The following SLC35F3 variants were observed in gnomAD, a reference collection of about 807,000 sequenced individuals.
SLC35F3 encodes solute carrier family 35 member F3.
A neutral mutation model predicts 49.9 loss-of-function variants in SLC35F3; 25 were observed. That is an observed-to-expected ratio of 0.50 (90% CI 0.37 to 0.70). The LOEUF (loss-of-function observed/expected upper bound fraction) is 0.70, where lower values mean the gene tolerates loss of function less well. Ranked by LOEUF, SLC35F3 falls within the 30% of genes least tolerant of loss-of-function variation. The probability of loss-of-function intolerance (pLI) is 0.00; values close to 1 mark genes in which losing one functional copy is unlikely to be tolerated. For missense variants in SLC35F3, 525 were observed against 639.8 expected (o/e 0.82, Z 1.94); for synonymous variants, 275 against 265.4 (o/e 1.04, Z -0.35).
chr1:234,066,640 G>A (rs928273452), intron 2 of SLC35F3, among the ~76,000 whole-genome samples: 22 of 151,990 alleles, frequency 1.4e-4, no homozygotes, highest in African/African-American at 5.3e-4. Context: ...GATAAAAAGG[G>A]TTGCCCCTGC....
chr1:234,097,326 C>T (rs1176024909), intron 2 of SLC35F3, among the ~76,000 whole-genome samples: 1 of 152,244 alleles, frequency 6.6e-6, no homozygotes, highest in East Asian at 1.9e-4. Flanking sequence ...ATCACTTGTA[C>T]CCCAAAGCTA....
intron 2 of SLC35F3, among the ~76,000 whole-genome samples, chr1:234,168,511 G>A (rs544474857): frequency 2.4e-4 from 36 of 152,386 alleles, no homozygotes; most frequent in African/African-American, 7.5e-4. Flanking sequence ...TCATGCAGCA[G>A]AGTGCCTCTC....
rs61824604 is a variant in SLC35F3, at chr1:234,114,419, G to A, written c.284-116998G>A. On this transcript the variant is annotated intron_variant, in intron 2 of 7. Coordinates refer to ENST00000366618, the MANE Select transcript of SLC35F3 (RefSeq NM_173508.4). ...AAGATAAAACTACATTTCCAATATG[G>A]CTGATTTGTTTTTAATTATAAACTG... Among the ~76,000 whole-genome samples, 1,121 of 152,234 alleles carry A rather than the reference G, an allele frequency of 7.4e-3. 2 individuals are homozygous for A. The highest frequency in any genetic ancestry group is 0.012 in the Non-Finnish European group (823 of 68,018).
At chr1:234,266,873 G>GTTTTTTTTTTTTTTTTTTTTTTT (rs34040004) in intron 3 of SLC35F3, among the ~76,000 whole-genome samples, 8 of 108,648 alleles carry the variant, frequency 7.4e-5, no homozygotes, top group Non-Finnish European at 9.0e-5. Context: ...GAAGCACATG[G>GTTTTTTTTTTTTTTTTTTTTTTT]TTTTTTTTTT....
intron 2 of SLC35F3, among the ~76,000 whole-genome samples, chr1:234,165,799 C>A (rs1309596011): frequency 6.6e-6 from 1 of 151,980 alleles, no homozygotes; most frequent in Admixed American, 6.6e-5. Flanking sequence ...TTTTAGTGTA[C>A]CCCTCACCCA....
At chr1:234,074,016 G>C (rs1347791254) in intron 2 of SLC35F3, among the ~76,000 whole-genome samples, 1 of 152,096 alleles carries the variant, frequency 6.6e-6, no homozygotes, top group Non-Finnish European at 1.5e-5. Flanking sequence ...ATTGAGTGTG[G>C]CAAAATTCTC....
At chr1:234,146,848 A>C (rs6674291) in intron 2 of SLC35F3, among the ~76,000 whole-genome samples, 41,749 of 151,912 alleles carry the variant, frequency 0.27, 7,865 homozygotes, top group East Asian at 0.75. Flanking sequence ...CAGTATCAAT[A>C]TGATTTTTCT....
At chr1:234,120,272 A>G (rs1437460013) in intron 2 of SLC35F3, among the ~76,000 whole-genome samples, 3 of 152,240 alleles carry the variant, frequency 2.0e-5, no homozygotes, top group Non-Finnish European at 4.4e-5. Flanking sequence ...ATGAAAATAA[A>G]TGTGAAGTAT....
chr1:233,938,163 TAGG>T lies in SLC35F3; in HGVS notation c.283+32408_283+32410del, dbSNP rs200053843. Among the ~76,000 whole-genome samples the T allele has an allele frequency of 8.0e-3, 1,216 of 152,076 alleles. 9 individuals carry two copies. Among genetic ancestry groups the T allele is most frequent in the African/African-American group, 0.026 (1,058 of 41,472 alleles). On this transcript the variant is annotated intron_variant, in intron 2 of 7. Coordinates refer to ENST00000366618, the MANE Select transcript of SLC35F3 (RefSeq NM_173508.4). ...AGTAACTAAAAATTCACAGAAACAA[TAGG>T]AGAATAGATGGCCAGACCTAAAAAG...
intron 2 of SLC35F3, among the ~76,000 whole-genome samples, chr1:233,994,785 C>A (rs1663431551): frequency 6.6e-6 from 1 of 152,044 alleles, no homozygotes; most frequent in Non-Finnish European, 1.5e-5. Context: ...TCAATTTCCT[C>A]ATCTCTAGAA....
chr1:234,064,234 T>A, intron 2 of SLC35F3, among the ~76,000 whole-genome samples: 1 of 152,214 alleles, frequency 6.6e-6, no homozygotes, highest in African/African-American at 2.4e-5. Flanking sequence ...TGAATTTATT[T>A]TTCTGTTTTC....
chr1:234,064,735 A>G (rs758080772), intron 2 of SLC35F3, among the ~76,000 whole-genome samples: 14 of 151,946 alleles, frequency 9.2e-5, no homozygotes, highest in African/African-American at 1.7e-4. Flanking sequence ...CTGCGTTCAA[A>G]TAGATCCCAG....
intron 2 of SLC35F3, among the ~76,000 whole-genome samples, chr1:234,033,609 G>GTCA (rs1664093854): frequency 6.6e-6 from 1 of 152,202 alleles, no homozygotes; most frequent in Non-Finnish European, 1.5e-5. Flanking sequence ...TTGTTGAATA[G>GTCA]GGTGTCTTTC....
intron 2 of SLC35F3, among the ~76,000 whole-genome samples, chr1:234,094,447 G>A (rs1172828646): frequency 1.3e-5 from 2 of 152,246 alleles, no homozygotes; most frequent in East Asian, 1.9e-4. Flanking sequence ...GTCTGCTTCA[G>A]TAGAGTGACA....
At chr1:234,078,616 G>C (rs777360483) in intron 2 of SLC35F3, among the ~76,000 whole-genome samples, 1 of 152,138 alleles carries the variant, frequency 6.6e-6, no homozygotes, top group Non-Finnish European at 1.5e-5. Flanking sequence ...TCCTTTGCAG[G>C]CCCTTTCTTC....
At position 234,231,765 on chromosome 1, in the gene SLC35F3, GCCT is replaced by G; in HGVS notation, c.608+28_608+30del. ...AGGTAGGCGCGTCCTGCATGAGGAG[GCCT>G]CCTGACCCCGGGCTGCTCCATCCAG... On this transcript the variant is annotated intron_variant, in intron 3 of 7. Coordinates refer to ENST00000366618, the MANE Select transcript of SLC35F3 (RefSeq NM_173508.4). The surrounding 1 kb of genome is among the most constrained non-coding windows in gnomAD (Gnocchi z 5.4). 1.3e-6 allele frequency: 2 copies of G among 1,574,010 alleles called. No homozygotes were observed. Among genetic ancestry groups the G allele is most frequent in the South Asian group, 1.2e-5 (1 of 83,718 alleles).
chr1:234,033,640 G>A (rs530124433), intron 2 of SLC35F3, among the ~76,000 whole-genome samples: 3 of 152,204 alleles, frequency 2.0e-5, no homozygotes, highest in Admixed American at 1.3e-4. Context: ...GTTTTTGTTC[G>A]CTTTGTCGAA....
chr1:234,097,286 C>G (rs1305585273), intron 2 of SLC35F3, among the ~76,000 whole-genome samples: 2 of 152,150 alleles, frequency 1.3e-5, no homozygotes, highest in African/African-American at 4.8e-5. Context: ...TCCCTTTTCA[C>G]CACTACACAA....
At chr1:234,066,539 C>T (rs1664620211) in intron 2 of SLC35F3, among the ~76,000 whole-genome samples, 1 of 152,064 alleles carries the variant, frequency 6.6e-6, no homozygotes, top group Non-Finnish European at 1.5e-5. Flanking sequence ...GCCAGGAAGG[C>T]CATGTGCTTC....
Sources: allele counts gnomAD v4.1 joint callset (sites outside exome capture counted in the v4.1 genomes callset), GRCh38; gene constraint gnomAD v4.1.1; non-coding constraint Gnocchi (gnomAD v3.1); transcripts MANE v1.5; gene names NCBI Gene and HGNC (gene_info 2026-07-23, HGNC 2026-07-21).